SRGAP1: variants seen among roughly 807,000 people sequenced by gnomAD.
SRGAP1 encodes SLIT-ROBO Rho GTPase activating protein 1.
SRGAP1 carries 43 observed loss-of-function variants against 121.9 expected under a neutral mutation model. The ratio of observed to expected loss-of-function variants is 0.35; its 90% CI spans 0.28 to 0.46. The LOEUF (loss-of-function observed/expected upper bound fraction) is 0.46. SRGAP1 is among the 20% of genes least tolerant of loss of function. SRGAP1 has a pLI of 1.00. For synonymous variants in SRGAP1, 447 were observed against 485.4 expected (o/e 0.92, Z 1.04); for missense variants, 1,102 against 1,350.9 (o/e 0.82, Z 2.89).
chr12:63,947,071 T>G (rs1041031347), intron 1 of SRGAP1, among the ~76,000 whole-genome samples: 7 of 152,248 alleles, frequency 4.6e-5, no homozygotes, highest in Admixed American at 4.6e-4. Flanking sequence ...TTTTCATTTT[T>G]AACCACTACA....
At chr12:64,136,334 TC>T (rs1034956839) in intron 21 of SRGAP1, among the ~76,000 whole-genome samples, 3 of 152,148 alleles carry the variant, frequency 2.0e-5, no homozygotes, top group Admixed American at 6.6e-5. Flanking sequence ...CTTACTGCAC[TC>T]CAGCCAGGGT....
rs191535793 is a variant in SRGAP1, at chr12:64,094,510, T to C, written c.1540-422T>C. On this transcript the variant is annotated intron_variant, in intron 12 of 21. Transcript: ENST00000355086. ...ATATATAGATATGGAAGCCCTTTTATGACTTGTCATCTAGGTGATGCACTC... is the reference window on the plus strand; with the variant it reads ...ATATATAGATATGGAAGCCCTTTTACGACTTGTCATCTAGGTGATGCACTC... Among the ~76,000 whole-genome samples the C allele has an allele frequency of 5.9e-5, 9 of 152,336 alleles. No homozygotes were observed. The East Asian group carries it at 1.5e-3, about 26-fold the overall frequency.
At chr12:63,957,553 G>T (rs1388110293) in intron 1 of SRGAP1, among the ~76,000 whole-genome samples, 1 of 152,106 alleles carries the variant, frequency 6.6e-6, no homozygotes, top group Non-Finnish European at 1.5e-5. Flanking sequence ...GATGCTCTAG[G>T]ATACTCTGTG....
chr12:63,959,585 G>GT (rs150962961), intron 1 of SRGAP1, among the ~76,000 whole-genome samples: 4,962 of 151,818 alleles, frequency 0.033, 252 homozygotes, highest in African/African-American at 0.11. Context: ...TGTGTGAGGG[G>GT]TTTTTTTTAA....
intron 1 of SRGAP1, among the ~76,000 whole-genome samples, chr12:63,918,294 G>A (rs546363438): frequency 1.1e-4 from 16 of 152,140 alleles, no homozygotes; most frequent in African/African-American, 3.6e-4. Context: ...ATGAGAAAAC[G>A]GAAACCCAGT....
At chr12:64,032,202 G>C (rs1398480944) in intron 4 of SRGAP1, among the ~76,000 whole-genome samples, 1 of 152,128 alleles carries the variant, frequency 6.6e-6, no homozygotes, top group African/African-American at 2.4e-5. Context: ...ATGCTCCAGT[G>C]CTTCTCCCAC....
chr12:63,948,131 C>T (rs1444165292), intron 1 of SRGAP1, among the ~76,000 whole-genome samples: 1 of 152,012 alleles, frequency 6.6e-6, no homozygotes, highest in African/African-American at 2.4e-5. Context: ...TTTCTTTCGC[C>T]CTAAAATGCA....
At chr12:63,872,255 C>T (rs1003340886) in intron 1 of SRGAP1, among the ~76,000 whole-genome samples, 3 of 152,170 alleles carry the variant, frequency 2.0e-5, no homozygotes, top group South Asian at 4.1e-4. Flanking sequence ...GGAACTACAA[C>T]GTACGTGAGA....
intron 1 of SRGAP1, among the ~76,000 whole-genome samples, chr12:63,956,192 A>G (rs2032461896): frequency 6.6e-6 from 1 of 152,118 alleles, no homozygotes; most frequent in Non-Finnish European, 1.5e-5. Context: ...TTCTGTGAAA[A>G]GTACAAAATT....
intron 18 of SRGAP1, among the ~76,000 whole-genome samples, chr12:64,124,101 G>T (rs2036650490): frequency 1.3e-5 from 2 of 152,100 alleles, no homozygotes; most frequent in Non-Finnish European, 2.9e-5. Flanking sequence ...ATTTTTCTTT[G>T]TCTTTATTTA....
chr12:64,040,015 CCTTTAACATGA>C (rs2034983168), intron 4 of SRGAP1, among the ~76,000 whole-genome samples: 1 of 152,084 alleles, frequency 6.6e-6, no homozygotes, highest in African/African-American at 2.4e-5. Flanking sequence ...CTCTGTAATG[CCTTTAACATGA>C]TTTACCAGCT....
chr12:63,879,893 C>T (rs1021801412), intron 1 of SRGAP1, among the ~76,000 whole-genome samples: 1 of 152,148 alleles, frequency 6.6e-6, no homozygotes, highest in Non-Finnish European at 1.5e-5. Flanking sequence ...GTGGTTGTCT[C>T]CAGACCAAGA....
At position 64,142,331 on chromosome 12, in the gene SRGAP1, C is replaced by A; in HGVS notation, c.2917C>A (p.Leu973Ile). ...AACGATGAACACAGCTTTGAATGAA[C>A]TCCGAGAACTGGAGAGACAGAGCAC... is the stretch of plus-strand genomic sequence containing the variant. The part of the protein sequence containing the change: ...EETMNTALNE[L>I]RELERQSTAK... The change falls in exon 22 of 22, where the codon CTC (leucine) becomes ATC (isoleucine). Residue 973 changes from leucine (L) to isoleucine (I), a missense_variant. This residue lies in a region of SRGAP1 where 315 missense variants were observed against 343.1 expected (regional missense o/e 0.92). Transcript: ENST00000355086. The A allele has an allele frequency of 6.2e-7, 1 of 1,614,076 alleles. No homozygotes were observed.
At chr12:64,017,351 C>T (rs2034430952) in intron 4 of SRGAP1, among the ~76,000 whole-genome samples, 1 of 152,052 alleles carries the variant, frequency 6.6e-6, no homozygotes. Context: ...ATATTGAATT[C>T]GAGAATATTT....
chr12:64,053,156 G>A (rs1261287380), intron 6 of SRGAP1, among the ~76,000 whole-genome samples: 2 of 152,194 alleles, frequency 1.3e-5, no homozygotes. Context: ...CATTGCCTTT[G>A]GCATTGGTCA....
chr12:64,111,944 A>G lies in SRGAP1; in HGVS notation c.2102A>G (p.Asp701Gly). The G allele has an allele frequency of 6.2e-7, 1 of 1,614,050 alleles. No homozygotes were observed. The highest frequency in any genetic ancestry group is 1.1e-5 in the South Asian group (1 of 91,060). ...ETIFPDAKEL[D>G]GPVYEKCMAG... ...ATTTTCCCAGATGCTAAAGAGCTGG[A>G]TGGCCCTGTTTATGAGAAATGTATG... Residue 701 changes from aspartate (D) to glycine (G), a missense_variant, in exon 17 of 22, where the codon GAT (aspartate) becomes GGT (glycine). Asp to Gly is a moderately conservative substitution (Grantham distance 94, BLOSUM62 -1). This residue lies in a region of SRGAP1 where 747 missense variants were observed against 929.4 expected (regional missense o/e 0.80). Transcript: ENST00000355086.
chr12:63,852,354 A>G (rs1210328471), intron 1 of SRGAP1, among the ~76,000 whole-genome samples: 1 of 152,328 alleles, frequency 6.6e-6, no homozygotes, highest in East Asian at 1.9e-4. Flanking sequence ...TTTGAAATTC[A>G]AATACGTAAT....
intron 6 of SRGAP1, among the ~76,000 whole-genome samples, chr12:64,048,167 C>T (rs1419347495): frequency 6.6e-6 from 1 of 152,092 alleles, no homozygotes. Flanking sequence ...TCCCAATCAC[C>T]CCCACTACCA....
At chr12:64,085,218 C>T (rs2035916526) in intron 10 of SRGAP1, among the ~76,000 whole-genome samples, 1 of 152,032 alleles carries the variant, frequency 6.6e-6, no homozygotes, top group Non-Finnish European at 1.5e-5. Context: ...ATAAGGATAA[C>T]AATAGAAGCT....
Sources: allele counts gnomAD v4.1 joint callset (sites outside exome capture counted in the v4.1 genomes callset), GRCh38; gene constraint gnomAD v4.1.1; regional missense constraint gnomAD v4.1.1; transcripts MANE v1.5; gene names NCBI Gene and HGNC (gene_info 2026-07-23, HGNC 2026-07-21).